The following ASIC2 variants were observed in gnomAD, a reference collection of about 807,000 sequenced individuals.
ASIC2 encodes acid-sensing ion channel 2.
In ASIC2, 25 loss-of-function variants were observed where a neutral mutation model predicts 57.3. That is an observed-to-expected ratio of 0.44 (90% confidence interval 0.32 to 0.61). The LOEUF (loss-of-function observed/expected upper bound fraction) is 0.61. ASIC2 is among the 20% of genes least tolerant of loss of function. ASIC2 has a pLI of 0.06. For synonymous variants in ASIC2, 319 were observed against 307.5 expected (o/e 1.04, Z -0.39); for missense variants, 641 against 738.1 (o/e 0.87, Z 1.52).
At chr17:33,725,580 G>A (rs557774077) in intron 1 of ASIC2, among the ~76,000 whole-genome samples, 1 of 152,128 alleles carries the variant, frequency 6.6e-6, no homozygotes, top group South Asian at 2.1e-4. Flanking sequence ...AAGAGGTCAA[G>A]ATCACGTGAA....
rs187401065 is a variant in ASIC2, at chr17:33,910,172, G to A, written c.555+245806C>T. On this transcript the variant is annotated intron_variant, in intron 1 of 9. Coordinates refer to the ASIC2 transcript ENST00000359872. ...TCGCTACATATTCTGTGCCTAAGAT[G>A]CAAAGATGAATAAGGGGATATCTGT... Among the ~76,000 whole-genome samples the A allele has an allele frequency of 4.6e-4, 70 of 152,306 alleles. No individual in the cohort carries two copies. The East Asian group carries it at 0.011, about 23-fold the overall frequency.
chr17:33,993,453 T>A (rs1253955290), intron 1 of ASIC2, among the ~76,000 whole-genome samples: 1 of 152,228 alleles, frequency 6.6e-6, no homozygotes, highest in Admixed American at 6.5e-5. Flanking sequence ...GCCACATGGC[T>A]GTTATTTTTC....
intron 2 of ASIC2, among the ~76,000 whole-genome samples, chr17:33,098,296 A>G (rs2092192289): frequency 6.6e-6 from 1 of 152,248 alleles, no homozygotes. Context: ...CAAAGAATCC[A>G]CAAATTGCTG....
intron 1 of ASIC2, among the ~76,000 whole-genome samples, chr17:33,951,265 C>T (rs1226802524): frequency 6.6e-6 from 1 of 151,588 alleles, no homozygotes; most frequent in Non-Finnish European, 1.5e-5. Context: ...GGTGGTAGGC[C>T]CTGTTATGAT....
chr17:33,779,285 A>G (rs1046426656), intron 1 of ASIC2, among the ~76,000 whole-genome samples: 2 of 152,190 alleles, frequency 1.3e-5, no homozygotes, highest in Non-Finnish European at 2.9e-5. Context: ...GCAGTTCTTC[A>G]GCTGCCCTCC....
In ASIC2 at chr17:33,156,858, T is replaced by C. The variant is rs148727924; in HGVS notation, c.709-44791A>G. ...CTGGGGAGACGGGAGGAAGGGAATA[T>C]TGGATATCATGATTTTAAAAAGCTG... On this transcript the variant is annotated intron_variant, in intron 1 of 9. Transcript: ENST00000225823. 3.1e-4 allele frequency among the ~76,000 whole-genome samples: 47 copies of C among 152,228 alleles called. No homozygotes were observed. In the East Asian group the frequency reaches 7.9e-3, roughly 26 times the overall value.
intron 1 of ASIC2, among the ~76,000 whole-genome samples, chr17:33,362,771 G>A (rs932831619): frequency 3.9e-5 from 6 of 152,210 alleles, no homozygotes; most frequent in African/African-American, 1.4e-4. Context: ...TGAAAGAGAC[G>A]CTCTTCAAAT....
intron 1 of ASIC2, among the ~76,000 whole-genome samples, chr17:34,023,129 A>G (rs1907244218): frequency 6.6e-6 from 1 of 152,038 alleles, no homozygotes; most frequent in Non-Finnish European, 1.5e-5. Context: ...TTTATAAATT[A>G]CCCAGTCTCA....
intron 1 of ASIC2, among the ~76,000 whole-genome samples, chr17:33,520,905 G>T (rs1567638067): frequency 6.6e-6 from 1 of 152,172 alleles, no homozygotes; most frequent in Non-Finnish European, 1.5e-5. Context: ...CAGGCTAGGG[G>T]ATGCTTGCCT....
At chr17:34,098,744 C>T (rs994816972) in intron 1 of ASIC2, among the ~76,000 whole-genome samples, 8 of 152,098 alleles carry the variant, frequency 5.3e-5, no homozygotes, top group African/African-American at 1.9e-4. Flanking sequence ...ACACTAAAGG[C>T]GACTGGAAGT....
chr17:33,377,938 A>G (rs1339968130), intron 1 of ASIC2, among the ~76,000 whole-genome samples: 1 of 152,198 alleles, frequency 6.6e-6, no homozygotes, highest in African/African-American at 2.4e-5. Context: ...GGGGCTCCAT[A>G]AGGCCACTGA....
intron 1 of ASIC2, among the ~76,000 whole-genome samples, chr17:33,812,870 T>C (rs1912466530): frequency 6.6e-6 from 1 of 152,132 alleles, no homozygotes; most frequent in African/African-American, 2.4e-5. Context: ...TCTCACTGGG[T>C]GTGGGTCTTC....
chr17:33,779,759 C>T (rs1448528927), intron 1 of ASIC2, among the ~76,000 whole-genome samples: 1 of 152,156 alleles, frequency 6.6e-6, no homozygotes, highest in East Asian at 1.9e-4. Flanking sequence ...CTAAGGTTCA[C>T]TGGATGTTTA....
intron 1 of ASIC2, among the ~76,000 whole-genome samples, chr17:34,124,791 C>T (rs577404276): frequency 3.9e-5 from 6 of 152,114 alleles, no homozygotes; most frequent in East Asian, 1.9e-4. Context: ...CCTGTAATGA[C>T]GCTAATGCCG....
rs201902960 is a variant in ASIC2 at position 33,613,364 on chromosome 17, G to A, written c.556-501297C>T. On this transcript the variant is annotated intron_variant, in intron 1 of 9. Coordinates refer to the ASIC2 transcript ENST00000359872. The stretch of plus-strand genomic sequence containing the variant: ...CATTTTCTTTGGGGAAAAAGAATGT[G>A]TATTCTTTTTTTTTTTTTTTTTTTC... 2.2e-4 allele frequency among the ~76,000 whole-genome samples: 32 copies of A among 144,296 alleles called. 1 individual carries two copies. The East Asian group carries it at 6.2e-3, about 28-fold the overall frequency. 94.7% of individuals were successfully genotyped at this position (144,296 alleles called of 152,430 possible). A position where few individuals can be genotyped will look rare whatever the true frequency, so the allele number is the denominator to read the frequency against.
intron 1 of ASIC2, among the ~76,000 whole-genome samples, chr17:33,625,193 TATC>T (rs1179327378): frequency 6.6e-6 from 1 of 151,008 alleles, no homozygotes; most frequent in East Asian, 1.9e-4. Flanking sequence ...ATCTATCTAT[TATC>T]TGTCATCTAT....
chr17:33,594,799 G>T lies in ASIC2; in HGVS notation c.556-482732C>A, dbSNP rs146086738. ...GCCTAGATCGCACCACTGCACTTCA[G>T]CCTGGGCGACAGAGGGAGACTCCAT... On this transcript the variant is annotated intron_variant, in intron 1 of 9. Coordinates refer to the ASIC2 transcript ENST00000359872. 7.4e-5 allele frequency among the ~76,000 whole-genome samples: 11 copies of T among 148,574 alleles called. No homozygotes were observed. The East Asian group carries it at 2.2e-3, about 30-fold the overall frequency.
intron 1 of ASIC2, among the ~76,000 whole-genome samples, chr17:33,579,335 G>A (rs1376209976): frequency 6.7e-6 from 1 of 150,348 alleles, no homozygotes; most frequent in Non-Finnish European, 1.5e-5. Flanking sequence ...GTTGGCTCAG[G>A]GCACACTGGA....
chr17:33,877,235 C>T (rs112445790), intron 1 of ASIC2, among the ~76,000 whole-genome samples: 44 of 152,246 alleles, frequency 2.9e-4, no homozygotes, highest in African/African-American at 6.7e-4. Flanking sequence ...ACTGAGGTAC[C>T]GGGTTCATCT....
Sources: gnomAD v4.1 joint callset for allele counts (sites outside exome capture counted in the v4.1 genomes callset) on GRCh38, gnomAD v4.1.1 for gene constraint, MANE v1.5 for transcripts, NCBI Gene and HGNC (gene_info 2026-07-23, HGNC 2026-07-21) for gene names.